Variants in MYO5B observed in about 807,000 individuals in gnomAD.
MYO5B encodes unconventional myosin-Vb.
In MYO5B, 143 loss-of-function variants were observed where a neutral mutation model predicts 229.3. That is an observed-to-expected ratio of 0.62 (90% CI 0.54 to 0.72). The LOEUF (loss-of-function observed/expected upper bound fraction) is 0.72, where lower values mean the gene tolerates loss of function less well. MYO5B is among the 30% of genes least tolerant of loss of function. The pLI, the probability that MYO5B is intolerant of heterozygous loss-of-function variation, is 0.00. For synonymous variants in MYO5B, 918 were observed against 885.2 expected, an observed-to-expected ratio of 1.04 and a Z score of -0.66; for missense variants, 2,321 against 2,331.0, an observed-to-expected ratio of 1.00 and a Z score of 0.09.
chr18:49,826,744 C>T, intron 39 of MYO5B, 121 bp from the exon 40 acceptor site: 1 of 1,186,240 alleles, frequency 8.4e-7, no homozygotes, highest in Non-Finnish European at 1.2e-6. Flanking sequence ...TTAGGTAGAA[C>T]TTCAGGACTA....
intron 1 of MYO5B, among the ~76,000 whole-genome samples, chr18:50,181,481 A>C (rs752071005): frequency 3.9e-5 from 6 of 152,230 alleles, no homozygotes; most frequent in Non-Finnish European, 8.8e-5. Context: ...CACCTTACTC[A>C]ACCAGCTTAG....
chr18:50,066,826 T>G (rs1268118920), intron 1 of MYO5B, among the ~76,000 whole-genome samples: 1 of 152,184 alleles, frequency 6.6e-6, no homozygotes, highest in African/African-American at 2.4e-5. Context: ...GCCTGCCTAT[T>G]TGGAACCGAA....
At chr18:49,861,712 G>A (rs2024331791) in intron 29 of MYO5B, among the ~76,000 whole-genome samples, 1 of 152,114 alleles carries the variant, frequency 6.6e-6, no homozygotes, top group Admixed American at 6.6e-5. Flanking sequence ...CTTGACTCAG[G>A]CACAGGCCAC....
At chr18:49,840,846 C>T (rs901492938) in intron 35 of MYO5B, among the ~76,000 whole-genome samples, 8 of 152,194 alleles carry the variant, frequency 5.3e-5, no homozygotes, top group South Asian at 4.1e-4. Flanking sequence ...GTCAAGGAAT[C>T]CAATTTGGAT....
At chr18:49,949,448 C>A (rs1372136951) in intron 14 of MYO5B, among the ~76,000 whole-genome samples, 1 of 152,084 alleles carries the variant, frequency 6.6e-6, no homozygotes, top group Non-Finnish European at 1.5e-5. Context: ...TTTACAGCTC[C>A]GATAGCTGAG....
At chr18:49,901,340 G>A (rs112966001) in intron 21 of MYO5B, among the ~76,000 whole-genome samples, 2 of 152,192 alleles carry the variant, frequency 1.3e-5, no homozygotes, top group African/African-American at 4.8e-5. Flanking sequence ...TGTGAGCCTC[G>A]TCTATTCCAT....
At chr18:50,019,569 T>C (rs1035721589) in intron 4 of MYO5B, among the ~76,000 whole-genome samples, 2 of 152,272 alleles carry the variant, frequency 1.3e-5, no homozygotes, top group South Asian at 2.1e-4. Flanking sequence ...AATGGCTTGA[T>C]GTGATGTCCA....
chr18:50,053,679 A>G (rs1212072619), intron 2 of MYO5B, among the ~76,000 whole-genome samples: 1 of 152,134 alleles, frequency 6.6e-6, no homozygotes, highest in Non-Finnish European at 1.5e-5. Flanking sequence ...CTCAGTACAG[A>G]CGTTTTCTAA....
At chr18:50,152,000 G>A (rs1399750351) in intron 1 of MYO5B, among the ~76,000 whole-genome samples, 1 of 152,188 alleles carries the variant, frequency 6.6e-6, no homozygotes, top group Non-Finnish European at 1.5e-5. Flanking sequence ...CCTTGACTTT[G>A]ATCCAAGATG....
chr18:50,002,035 CAA>C (rs34864756), intron 4 of MYO5B, among the ~76,000 whole-genome samples: 1,991 of 129,336 alleles, frequency 0.015, 49 homozygotes, highest in African/African-American at 0.055. Flanking sequence ...AACTCCGTCT[CAA>C]AAAAAAAAAA....
chr18:50,050,049 A>G (rs1414723033), intron 2 of MYO5B, among the ~76,000 whole-genome samples: 2 of 152,198 alleles, frequency 1.3e-5, no homozygotes, highest in African/African-American at 4.8e-5. Context: ...TATTACCAGT[A>G]GATAATTATA....
chr18:49,860,755 G>T (rs771745816), intron 29 of MYO5B, among the ~76,000 whole-genome samples: 3 of 152,236 alleles, frequency 2.0e-5, no homozygotes, highest in Non-Finnish European at 4.4e-5. Flanking sequence ...GAGGATAGAT[G>T]TCATCAAAAT....
At chr18:50,182,254 T>A (rs1021637187) in intron 1 of MYO5B, among the ~76,000 whole-genome samples, 2 of 152,220 alleles carry the variant, frequency 1.3e-5, no homozygotes, top group Middle Eastern at 3.2e-3. Context: ...ATTCACTGTT[T>A]TCTGTTCTGA....
intron 2 of MYO5B, among the ~76,000 whole-genome samples, chr18:50,049,744 CA>C (rs1336725012): frequency 6.6e-6 from 1 of 152,150 alleles, no homozygotes; most frequent in Non-Finnish European, 1.5e-5. Context: ...ATGTTCGGGG[CA>C]GGGGTGCAAG....
intron 1 of MYO5B, among the ~76,000 whole-genome samples, chr18:50,087,175 G>C (rs374087255): frequency 6.6e-6 from 1 of 152,158 alleles, no homozygotes; most frequent in Non-Finnish European, 1.5e-5. Context: ...CCACAGCCAG[G>C]TAGGACTTCG....
chr18:49,949,850 A>T (rs2025413905), intron 14 of MYO5B, among the ~76,000 whole-genome samples: 1 of 152,200 alleles, frequency 6.6e-6, no homozygotes, highest in Non-Finnish European at 1.5e-5. Flanking sequence ...AGTTAGAAAC[A>T]TATGCCTCAT....
chr18:50,050,734 G>C (rs2030368977), intron 2 of MYO5B, among the ~76,000 whole-genome samples: 1 of 152,190 alleles, frequency 6.6e-6, no homozygotes, highest in South Asian at 2.1e-4. Context: ...GCTGCCTTGA[G>C]GTTCATGGGT....
chr18:50,159,410 T>G (rs1000811300), intron 1 of MYO5B, among the ~76,000 whole-genome samples: 3 of 152,180 alleles, frequency 2.0e-5, no homozygotes, highest in Non-Finnish European at 4.4e-5. Context: ...TATTACCTTC[T>G]TCAACCCTCA....
intron 22 of MYO5B, among the ~76,000 whole-genome samples, chr18:49,891,893 G>T (rs1355718854): frequency 1.3e-5 from 2 of 152,196 alleles, no homozygotes; most frequent in East Asian, 3.9e-4. Context: ...CGAATGTTCA[G>T]TGCCTGGGGG....
Sources: gnomAD v4.1 joint callset for allele counts (sites outside exome capture counted in the v4.1 genomes callset) on GRCh38, gnomAD v4.1.1 for gene constraint, MANE v1.5 for transcripts, NCBI Gene and HGNC (gene_info 2026-07-23, HGNC 2026-07-21) for gene names.